TMEM62: variants seen among roughly 807,000 people sequenced by gnomAD.
The protein encoded by TMEM62 is transmembrane protein 62.
In TMEM62, 41 loss-of-function variants were observed where a neutral mutation model predicts 70.4. That is an observed-to-expected ratio of 0.58 (90% CI 0.45 to 0.76). The LOEUF (loss-of-function observed/expected upper bound fraction) is 0.76. Ranked by LOEUF, TMEM62 falls within the 30% of genes least tolerant of loss-of-function variation. The probability of loss-of-function intolerance (pLI) is 0.00; values close to 1 mark genes in which losing one functional copy is unlikely to be tolerated. For missense variants in TMEM62, 688 were observed against 788.5 expected, an observed-to-expected ratio of 0.87 and a Z score of 1.53; for synonymous variants, 268 against 291.0, an observed-to-expected ratio of 0.92 and a Z score of 0.80.
chr15:43,182,350 C>T (rs1358358050), intron 13 of TMEM62, among the ~76,000 whole-genome samples: 1 of 152,170 alleles, frequency 6.6e-6, no homozygotes, highest in African/African-American at 2.4e-5. Context: ...GGAAAGACTT[C>T]TGCCTAGCAA....
At chr15:43,152,705 T>G (rs952280829) in intron 8 of TMEM62, among the ~76,000 whole-genome samples, 14 of 152,140 alleles carry the variant, frequency 9.2e-5, no homozygotes, top group African/African-American at 3.1e-4. Flanking sequence ...ATGAATTTGA[T>G]TATATAGATT....
In TMEM62 at chr15:43,170,844, T is replaced by G. The variant is rs527941155; in HGVS notation, c.1381+1167T>G. On this transcript the variant is annotated intron_variant, in intron 11 of 13. Transcript: ENST00000260403. ...GACATAAACAAGAAAACTAGTACCT[T>G]GAGCAGGGGAATACAGCGCTCTTAG... Among the ~76,000 whole-genome samples the G allele has an allele frequency of 4.6e-5, 7 of 152,260 alleles. No homozygotes were observed. The South Asian group carries it at 1.4e-3, about 32-fold the overall frequency.
chr15:43,148,089 TA>T (rs1443932779), intron 5 of TMEM62, among the ~76,000 whole-genome samples: 4 of 152,248 alleles, frequency 2.6e-5, no homozygotes, highest in African/African-American at 9.6e-5. Context: ...TCCATCATCC[TA>T]AAGTCTTGTC....
intron 8 of TMEM62, among the ~76,000 whole-genome samples, chr15:43,153,855 T>G (rs1323033787): frequency 6.6e-6 from 1 of 152,216 alleles, no homozygotes; most frequent in Admixed American, 6.5e-5. Context: ...TAGATATATA[T>G]CCAGAAGTGG....
At chr15:43,182,557 G>T (rs2041450758) in intron 13 of TMEM62, among the ~76,000 whole-genome samples, 1 of 151,328 alleles carries the variant, frequency 6.6e-6, no homozygotes, top group African/African-American at 2.4e-5. Flanking sequence ...TAATTCAAGT[G>T]ATTCTCCTGC....
rs187465924 is a variant in TMEM62 at position 43,150,852 on chromosome 15, A to G, written c.867-938A>G. On this transcript the variant is annotated intron_variant, in intron 7 of 13. Coordinates refer to ENST00000260403, the MANE Select transcript of TMEM62 (RefSeq NM_024956.4). ...ACTAGTCACATGGTCCCAACCTGAT[A>G]CCAGGAGACTGGGAAATTCAGGGGA... is the stretch of plus-strand genomic sequence containing the variant. Among the ~76,000 whole-genome samples the G allele has an allele frequency of 6.8e-4, 103 of 152,366 alleles. 2 individuals carry two copies. The highest frequency in any genetic ancestry group is 4.6e-3 in the Admixed American group (70 of 15,304).
intron 5 of TMEM62, among the ~76,000 whole-genome samples, chr15:43,147,605 ATACG>A (rs1318972373): frequency 2.6e-5 from 4 of 152,354 alleles, no homozygotes; most frequent in Middle Eastern, 3.4e-3. Flanking sequence ...GTTCAGAGTT[ATACG>A]AGAGTTCGAA....
chr15:43,163,807 C>A (rs919212547), intron 10 of TMEM62, among the ~76,000 whole-genome samples: 3 of 151,310 alleles, frequency 2.0e-5, no homozygotes, highest in Admixed American at 2.0e-4. Flanking sequence ...AACAAAAAAA[C>A]AGGTTGTGGT....
intron 1 of TMEM62, 36 bp downstream of exon 1, chr15:43,134,018 C>G: frequency 7.0e-7 from 1 of 1,435,022 alleles, no homozygotes; most frequent in Non-Finnish European, 9.1e-7. Flanking sequence ...GAGGCAGGTG[C>G]AGATCGGGCA....
At chr15:43,169,071 G>T (rs2039914548) in intron 10 of TMEM62, 1 of 152,972 alleles carries the variant, frequency 6.5e-6, no homozygotes, top group African/African-American at 2.4e-5. Flanking sequence ...GCCACAGAAT[G>T]GGGGAAGGGT....
chr15:43,134,072 G>T, intron 1 of TMEM62, 90 bp downstream of exon 1: 1 of 1,437,794 alleles, frequency 7.0e-7, no homozygotes, highest in Non-Finnish European at 9.1e-7. Context: ...CACGCTCCAG[G>T]CTGGGGACCT....
intron 10 of TMEM62, among the ~76,000 whole-genome samples, chr15:43,165,131 A>T (rs2039229516): frequency 6.6e-6 from 1 of 151,562 alleles, no homozygotes; most frequent in African/African-American, 2.4e-5. Context: ...CTCTATTATT[A>T]TTTTTTGAAT....
At chr15:43,169,521 A>G in intron 10 of TMEM62, 72 bp from the exon 11 acceptor site, 1 of 1,329,296 alleles carries the variant, frequency 7.5e-7, no homozygotes, top group Non-Finnish European at 1.1e-6. Flanking sequence ...TTTGTTAATA[A>G]GGCTACTTTA....
intron 4 of TMEM62, among the ~76,000 whole-genome samples, chr15:43,144,785 G>A (rs940798419): frequency 6.6e-6 from 1 of 152,156 alleles, no homozygotes; most frequent in African/African-American, 2.4e-5. Flanking sequence ...ATCTTTCATG[G>A]TGACTGTGGG....
intron 10 of TMEM62, among the ~76,000 whole-genome samples, chr15:43,162,822 G>A (rs975962777): frequency 1.3e-5 from 2 of 152,016 alleles, no homozygotes; most frequent in Non-Finnish European, 2.9e-5. Flanking sequence ...TTGTAACTAA[G>A]TTTTTAGATA....
chr15:43,175,978 C>T (rs567498082), intron 11 of TMEM62, among the ~76,000 whole-genome samples: 43 of 152,336 alleles, frequency 2.8e-4, no homozygotes, highest in Middle Eastern at 6.8e-3. Flanking sequence ...TCACTCCCAC[C>T]CTAATACTGC....
chr15:43,142,697 GT>G (rs1213753731), intron 4 of TMEM62, among the ~76,000 whole-genome samples: 1 of 149,854 alleles, frequency 6.7e-6, no homozygotes, highest in Admixed American at 6.6e-5. Flanking sequence ...TTGAGACAGG[GT>G]CTCTCTGTCA....
intron 11 of TMEM62, among the ~76,000 whole-genome samples, chr15:43,173,840 T>G (rs80063747): frequency 0.025 from 3,706 of 150,778 alleles, 171 homozygotes; most frequent in African/African-American, 0.086. Context: ...CCAGATAAGT[T>G]CCTCAATGCA....
intron 11 of TMEM62, among the ~76,000 whole-genome samples, chr15:43,176,113 C>T (rs1239184902): frequency 1.3e-5 from 2 of 152,252 alleles, no homozygotes; most frequent in African/African-American, 4.8e-5. Context: ...AACTGCAAGG[C>T]AGCAGTGAGG....
Sources: allele counts gnomAD v4.1 joint callset (sites outside exome capture counted in the v4.1 genomes callset), GRCh38; gene constraint gnomAD v4.1.1; transcripts MANE v1.5; gene names NCBI Gene and HGNC (gene_info 2026-07-23, HGNC 2026-07-21).